DDX52: variants seen among roughly 807,000 people sequenced by gnomAD.
DDX52 encodes the protein probable ATP-dependent RNA helicase DDX52.
DDX52 carries 59 observed loss-of-function variants against 76.1 expected under a neutral mutation model. The observed-to-expected ratio is 0.78, with a 90% CI of 0.63 to 0.96. The LOEUF is 0.96. DDX52 is among the 40% of genes least tolerant of loss of function. The probability of loss-of-function intolerance (pLI) is 0.00; values close to 1 mark genes in which losing one functional copy is unlikely to be tolerated. For missense variants in DDX52, 707 were observed against 703.9 expected (o/e 1.00, Z -0.05); for synonymous variants, 231 against 244.1 (o/e 0.95, Z 0.50).
intron 9 of DDX52, among the ~76,000 whole-genome samples, 184 bp from the exon 10 acceptor site, chr17:37,621,704 C>T (rs1050091507): frequency 6.6e-6 from 1 of 152,174 alleles, no homozygotes; most frequent in South Asian, 2.1e-4. Context: ...TTGGTTATTT[C>T]CACTCAACTT....
At chr17:37,625,848 A>T in intron 8 of DDX52, 47 bp downstream of exon 8, 1 of 1,607,492 alleles carries the variant, frequency 6.2e-7, no homozygotes, top group Non-Finnish European at 8.5e-7. Context: ...AAAGACTTGT[A>T]TTTAAAAAAA....
Position 37,638,781 on chromosome 17 carries a change from T to TG in DDX52, c.286+3328_286+3329insC, listed in dbSNP as rs1431184215. Among the ~76,000 whole-genome samples the TG allele has an allele frequency of 9.4e-4, 141 of 150,034 alleles. No individual in the cohort carries two copies. In the Middle Eastern group the frequency reaches 0.01, roughly 11 times the overall value. On this transcript the variant is annotated intron_variant, in intron 2 of 14. Coordinates refer to ENST00000617633, the MANE Select transcript of DDX52 (RefSeq NM_007010.5). ...AAGTTGTTTTTTTTCTTTTTTTTTT[T>TG]TTTTTTGAGACAGAGTCTTGCTCTG... is the stretch of plus-strand genomic sequence containing the variant.
At position 37,609,907 on chromosome 17, in the gene DDX52, A is replaced by C. The variant is rs540236651; in HGVS notation, c.*4389T>G. 3.3e-5 allele frequency: 5 copies of C among 152,356 alleles called. No individual in the cohort carries two copies. The highest frequency in any genetic ancestry group is 7.2e-5 in the African/African-American group (3 of 41,566). 9.4% of individuals were successfully genotyped at this position (152,356 alleles called of 1,614,324 possible). A position where few individuals can be genotyped will look rare whatever the true frequency, so the allele number is the denominator to read the frequency against. ...AGCTTCATGTTGGCACCTATCACAG[A>C]CGCTGAAGGCATTTAAATTTTATTT... On this transcript the variant is annotated 3_prime_UTR_variant, in exon 15 of 15. Coordinates refer to ENST00000617633, the MANE Select transcript of DDX52 (RefSeq NM_007010.5).
At chr17:37,621,582 A>T (rs1404288131) in intron 9 of DDX52, 62 bp from the exon 10 acceptor site, 3 of 1,536,134 alleles carry the variant, frequency 2.0e-6, no homozygotes, top group Admixed American at 4.3e-5. Flanking sequence ...TCATTATTTC[A>T]TAATTTGATT....
chr17:37,643,382 C>A lies in DDX52; in HGVS notation c.39G>T (p.Gly13=). Residue 13 remains glycine, a synonymous_variant, in exon 1 of 15, where the codon GGG becomes GGT. Coordinates refer to ENST00000617633, the MANE Select transcript of DDX52 (RefSeq NM_007010.5). ...VHDLFRRLGA[G]AKFDTRRFSA... is the part of the protein sequence containing the mutation. ...AGAAGCGTCTCGTGTCGAATTTGGC[C>A]CCCGCGCCGAGCCGGCGAAAGAGAT... 2 of 1,614,024 alleles carry A rather than the reference C, an allele frequency of 1.2e-6. No homozygotes were observed. Among genetic ancestry groups the A allele is most frequent in the Non-Finnish European group, 1.7e-6 (2 of 1,179,932 alleles).
At position 37,612,379 on chromosome 17, in the gene DDX52, G is replaced by A. The variant is rs915708709; in HGVS notation, c.*1917C>T. Reference sequence around the variant, plus strand: ...GGCATGAGCCACTACGCCTGGCCAAGAAAAATATTTTCAATAAATTTAGTA... The same window carrying A: ...GGCATGAGCCACTACGCCTGGCCAAAAAAAATATTTTCAATAAATTTAGTA... On this transcript the variant is annotated 3_prime_UTR_variant, in exon 15 of 15. Coordinates refer to ENST00000617633, the MANE Select transcript of DDX52 (RefSeq NM_007010.5). 1 of 152,076 alleles carries A rather than the reference G, an allele frequency of 6.6e-6. No homozygotes were observed. Among genetic ancestry groups the A allele is most frequent in the African/African-American group, 2.4e-5 (1 of 41,418 alleles). The allele number at this position is 152,076 out of a possible 1,614,324, so 9.4% of individuals were successfully genotyped here.
rs2064387162 is a variant in DDX52, at chr17:37,613,175, T to C, written c.*1121A>G. ...GTACTGATAACATTCAAGTCATTCT[T>C]AGGCACCAGTCTTACGTATATGAAG... On this transcript the variant is annotated 3_prime_UTR_variant, in exon 15 of 15. Coordinates refer to ENST00000617633, the MANE Select transcript of DDX52 (RefSeq NM_007010.5). The C allele has an allele frequency of 6.6e-6, 1 of 152,260 alleles. No individual in the cohort carries two copies. Among genetic ancestry groups the C allele is most frequent in the African/African-American group, 2.4e-5 (1 of 41,470 alleles). 9.4% of individuals were successfully genotyped at this position (152,260 alleles called of 1,614,324 possible).
Position 37,614,119 on chromosome 17 carries a change from C to A in DDX52, c.*177G>T. 1 of 654,470 alleles carries A rather than the reference C, an allele frequency of 1.5e-6. No individual in the cohort carries two copies. Among genetic ancestry groups the A allele is most frequent in the Non-Finnish European group, 2.4e-6 (1 of 414,628 alleles). 40.5% of individuals were successfully genotyped at this position (654,470 alleles called of 1,614,324 possible). The stretch of plus-strand genomic sequence containing the variant: ...TCTCTACAGGAAAAAAAAAAGGCAC[C>A]TACAAATTGAAACTGACTTGATAGT... On this transcript the variant is annotated 3_prime_UTR_variant, in exon 15 of 15. Coordinates refer to ENST00000617633, the MANE Select transcript of DDX52 (RefSeq NM_007010.5).
chr17:37,626,549 C>G (rs1392681860), intron 7 of DDX52, among the ~76,000 whole-genome samples: 1 of 152,116 alleles, frequency 6.6e-6, no homozygotes, highest in Non-Finnish European at 1.5e-5. Context: ...ACTAACACAG[C>G]AGGAAAAAGG....
At chr17:37,621,920 TGGA>T (rs1355419921) in intron 9 of DDX52, among the ~76,000 whole-genome samples, 1 of 152,204 alleles carries the variant, frequency 6.6e-6, no homozygotes, top group Admixed American at 6.5e-5. Flanking sequence ...TTTATTCTTA[TGGA>T]TTTAGGGGTA....
At chr17:37,642,816 TCC>T (rs2031263945) in intron 1 of DDX52, 1 of 163,114 alleles carries the variant, frequency 6.1e-6, no homozygotes, top group African/African-American at 2.4e-5. Flanking sequence ...CCAATTGACC[TCC>T]CCCGATGTAT....
chr17:37,634,131 T>C (rs1334211393), intron 2 of DDX52, among the ~76,000 whole-genome samples: 1 of 151,354 alleles, frequency 6.6e-6, no homozygotes, highest in Non-Finnish European at 1.5e-5. Flanking sequence ...GTATTTTTAG[T>C]AGAGACGAGG....
intron 14 of DDX52, 63 bp from the exon 15 acceptor site, chr17:37,614,416 C>T (rs1598748912): frequency 6.7e-7 from 1 of 1,489,668 alleles, no homozygotes; most frequent in East Asian, 2.3e-5. Context: ...TTTCCATAAC[C>T]CTACCACCAG....
intron 3 of DDX52, 85 bp downstream of exon 3, chr17:37,633,203 T>C (rs2030761794): frequency 7.3e-7 from 1 of 1,366,902 alleles, no homozygotes; most frequent in African/African-American, 1.5e-5. Flanking sequence ...TATATTCACA[T>C]TAACAACAGA....
At chr17:37,626,730 A>T in intron 7 of DDX52, 58 bp downstream of exon 7, 1 of 1,548,400 alleles carries the variant, frequency 6.5e-7, no homozygotes, top group Non-Finnish European at 8.8e-7. Context: ...AATAGAGGAC[A>T]AAATATAATT....
rs1428718726 is a variant in DDX52 at position 37,626,060 on chromosome 17, A to G, written c.971T>C (p.Phe324Ser). Reference sequence around the variant, plus strand: ...TCTGAACCCAGTTTTGCCATCTTCAAACAGTTTATCTGATTCGTCTACTAC... The same window carrying G: ...TCTGAACCCAGTTTTGCCATCTTCAGACAGTTTATCTGATTCGTCTACTAC... ...WLVVDESDKL[F>S]EDGKTGFRDQ... The change falls in exon 8 of 15, where the codon TTT (phenylalanine) becomes TCT (serine). Residue 324 changes from phenylalanine (F) to serine (S), a missense_variant. Phe to Ser is a radical substitution (Grantham distance 155, BLOSUM62 -2). Coordinates refer to ENST00000617633, the MANE Select transcript of DDX52 (RefSeq NM_007010.5). The G allele has an allele frequency of 1.2e-6, 2 of 1,614,046 alleles. No individual in the cohort carries two copies. Among genetic ancestry groups the G allele is most frequent in the Non-Finnish European group, 1.7e-6 (2 of 1,180,040 alleles).
In DDX52 at chr17:37,612,213, A is replaced by G. The variant is rs928269434; in HGVS notation, c.*2083T>C. On this transcript the variant is annotated 3_prime_UTR_variant, in exon 15 of 15. Transcript: ENST00000617633. The stretch of plus-strand genomic sequence containing the variant: ...TGCCTCAGACTCCTGAGTAGCCGGG[A>G]CTATGCCACCACACCCGGCTAACTT... The G allele has an allele frequency of 6.6e-6, 1 of 151,748 alleles. No homozygotes were observed. Among genetic ancestry groups the G allele is most frequent in the Non-Finnish European group, 1.5e-5 (1 of 67,964 alleles). 9.4% of individuals were successfully genotyped at this position (151,748 alleles called of 1,614,324 possible).
At chr17:37,627,914 T>C (rs1300673304) in intron 6 of DDX52, among the ~76,000 whole-genome samples, 6 of 151,984 alleles carry the variant, frequency 3.9e-5, no homozygotes. Flanking sequence ...ACTACAGGCA[T>C]GCACCACCAT....
intron 1 of DDX52, 103 bp downstream of exon 1, chr17:37,643,231 G>A: frequency 7.9e-7 from 1 of 1,265,844 alleles, no homozygotes; most frequent in Non-Finnish European, 1.1e-6. Flanking sequence ...GCGAGAGCCA[G>A]GCCACGGGTG....
Sources: allele counts gnomAD v4.1 joint callset (sites outside exome capture counted in the v4.1 genomes callset), GRCh38; gene constraint gnomAD v4.1.1; transcripts MANE v1.5; gene names NCBI Gene and HGNC (gene_info 2026-07-23, HGNC 2026-07-21).